Variants in NALF1 observed in about 807,000 individuals in gnomAD.
NALF1 encodes NALCN channel auxiliary factor 1, also known as family with sequence similarity 155 member A.
In NALF1, 3 loss-of-function variants were observed where a neutral mutation model predicts 48.4. That is an observed-to-expected ratio of 0.06 (90% CI 0.03 to 0.16). The LOEUF (loss-of-function observed/expected upper bound fraction) is 0.16, where lower values mean the gene tolerates loss of function less well. Ranked by LOEUF, NALF1 falls within the 10% of genes least tolerant of loss-of-function variation. The pLI, the probability that NALF1 is intolerant of heterozygous loss-of-function variation, is 1.00. For missense variants in NALF1, 526 were observed against 571.5 expected (o/e 0.92, Z 0.81); for synonymous variants, 262 against 245.7 (o/e 1.07, Z -0.62).
intron 1 of NALF1, among the ~76,000 whole-genome samples, chr13:107,690,701 G>C (rs1273285278): frequency 6.6e-6 from 1 of 152,326 alleles, no homozygotes; most frequent in African/African-American, 2.4e-5. Flanking sequence ...GGAGATGGGA[G>C]AGGAATGATT....
At chr13:107,250,180 G>A (rs1880670046) in intron 1 of NALF1, among the ~76,000 whole-genome samples, 1 of 151,236 alleles carries the variant, frequency 6.6e-6, no homozygotes, top group Non-Finnish European at 1.5e-5. Context: ...CCACTACTGG[G>A]GCTCCAAATT....
chr13:107,453,523 G>A (rs187870584), intron 1 of NALF1, among the ~76,000 whole-genome samples: 1 of 152,176 alleles, frequency 6.6e-6, no homozygotes, highest in Non-Finnish European at 1.5e-5. Flanking sequence ...CATAGCAAGG[G>A]GCCCCTAGGC....
intron 1 of NALF1, among the ~76,000 whole-genome samples, chr13:107,310,353 C>A (rs572102528): frequency 6.7e-6 from 1 of 148,196 alleles, no homozygotes; most frequent in Non-Finnish European, 1.5e-5. Flanking sequence ...GAGGTTACAG[C>A]GAGGCAAGAT....
chr13:107,385,410 G>A (rs1241749104), intron 1 of NALF1, among the ~76,000 whole-genome samples: 1 of 152,012 alleles, frequency 6.6e-6, no homozygotes, highest in African/African-American at 2.4e-5. Context: ...AAAATTAGCT[G>A]GGTATAGTGG....
intron 1 of NALF1, among the ~76,000 whole-genome samples, chr13:107,422,891 C>G (rs1455523174): frequency 1.3e-5 from 2 of 152,058 alleles, no homozygotes; most frequent in Non-Finnish European, 2.9e-5. Context: ...GCTGGGGCCA[C>G]AAGCCAAGGA....
chr13:107,448,748 T>C (rs1167497662), intron 1 of NALF1, among the ~76,000 whole-genome samples: 1 of 152,152 alleles, frequency 6.6e-6, no homozygotes, highest in Admixed American at 6.5e-5. Context: ...GGAATTGCCT[T>C]TGAAAGTGTC....
chr13:107,745,582 T>G (rs1033271790), intron 1 of NALF1, among the ~76,000 whole-genome samples: 8 of 152,188 alleles, frequency 5.3e-5, no homozygotes, highest in Admixed American at 2.6e-4. Context: ...ATTTTTCTGT[T>G]GTAAACACTC....
intron 1 of NALF1, among the ~76,000 whole-genome samples, chr13:107,837,947 TC>T (rs1158686570): frequency 1.3e-5 from 2 of 152,018 alleles, no homozygotes; most frequent in African/African-American, 4.8e-5. Flanking sequence ...AAAAAACTCA[TC>T]ATAGAACCAT....
At chr13:107,773,321 T>C (rs1425283380) in intron 1 of NALF1, among the ~76,000 whole-genome samples, 3 of 152,194 alleles carry the variant, frequency 2.0e-5, no homozygotes, top group Non-Finnish European at 4.4e-5. Context: ...TGATAAATCA[T>C]ACTTCAGAGT....
At chr13:107,368,320 C>CTA (rs1555334730) in intron 1 of NALF1, among the ~76,000 whole-genome samples, 1 of 145,942 alleles carries the variant, frequency 6.9e-6, no homozygotes, top group African/African-American at 2.5e-5. Context: ...CACATAAATA[C>CTA]TTTTTTTTTT....
chr13:107,224,174 T>C (rs376838716), intron 1 of NALF1, among the ~76,000 whole-genome samples: 2 of 152,062 alleles, frequency 1.3e-5, no homozygotes, highest in African/African-American at 4.8e-5. Flanking sequence ...AGTTGATCAT[T>C]ATATATTTGG....
At chr13:107,726,675 T>C (rs934739499) in intron 1 of NALF1, among the ~76,000 whole-genome samples, 1 of 150,438 alleles carries the variant, frequency 6.6e-6, no homozygotes, top group Admixed American at 6.7e-5. Context: ...AGTGGCGCTA[T>C]CTCTGTTCAC....
At chr13:107,338,369 G>C (rs1319420691) in intron 1 of NALF1, among the ~76,000 whole-genome samples, 1 of 152,092 alleles carries the variant, frequency 6.6e-6, no homozygotes, top group East Asian at 1.9e-4. Flanking sequence ...TAACTGGATT[G>C]CCTCTTAGCA....
At chr13:107,199,453 C>T (rs554632673) in intron 2 of NALF1, among the ~76,000 whole-genome samples, 89 of 152,230 alleles carry the variant, frequency 5.8e-4, no homozygotes, top group African/African-American at 2.1e-3. Flanking sequence ...ATCCTAATGA[C>T]CCATTTTAAC....
intron 1 of NALF1, among the ~76,000 whole-genome samples, chr13:107,555,878 C>T (rs1433977450): frequency 6.6e-6 from 1 of 151,704 alleles, no homozygotes; most frequent in Non-Finnish European, 1.5e-5. Flanking sequence ...AAAATCAATA[C>T]CCAGCAAAAA....
At chr13:107,741,508 G>A (rs1179375367) in intron 1 of NALF1, among the ~76,000 whole-genome samples, 1 of 91,040 alleles carries the variant, frequency 1.1e-5, no homozygotes, top group Non-Finnish European at 2.2e-5. Flanking sequence ...GAGAAAGCTT[G>A]AATGATGACA....
At chr13:107,552,619 C>T (rs1027490730) in intron 1 of NALF1, among the ~76,000 whole-genome samples, 1 of 152,168 alleles carries the variant, frequency 6.6e-6, no homozygotes, top group African/African-American at 2.4e-5. Flanking sequence ...CCACGGAGTC[C>T]CCACCTCAGT....
At chr13:107,412,204 C>CA (rs2139001401) in intron 1 of NALF1, among the ~76,000 whole-genome samples, 1 of 152,246 alleles carries the variant, frequency 6.6e-6, no homozygotes, top group East Asian at 1.9e-4. Context: ...TCTGAAAAAA[C>CA]AATAATCATA....
At position 107,535,326 on chromosome 13, in the gene NALF1, A is replaced by G. The variant is rs1054029932; in HGVS notation, c.916-324571T>C. On this transcript the variant is annotated intron_variant, in intron 1 of 2. Transcript: ENST00000375915. ...GATATTGGCTGTGGGTTTGTCATAA[A>G]TAGCTCTTATTATTTTGAGATACGT... 2.2e-4 allele frequency among the ~76,000 whole-genome samples: 33 copies of G among 152,100 alleles called. 1 individual carries two copies. Among genetic ancestry groups the G allele is most frequent in the Non-Finnish European group, 1.5e-5 (1 of 68,026 alleles).
Sources: gnomAD v4.1 joint callset for allele counts (sites outside exome capture counted in the v4.1 genomes callset) on GRCh38, gnomAD v4.1.1 for gene constraint, MANE v1.5 for transcripts, NCBI Gene and HGNC (gene_info 2026-07-23, HGNC 2026-07-21) for gene names.